Variants in GPN2 observed in about 807,000 individuals in gnomAD.
GPN2 encodes GPN-loop GTPase 2.
GPN2 carries 27 observed loss-of-function variants against 30.1 expected under a neutral mutation model. That is an observed-to-expected ratio of 0.90 (90% CI 0.66 to 1.24). GPN2 has a LOEUF of 1.24. Among genes scored for constraint, GPN2 ranks in the 50% most tolerant of loss-of-function variants. GPN2 has a pLI of 0.00. For synonymous variants in GPN2, 212 were observed against 174.4 expected, an observed-to-expected ratio of 1.22 and a Z score of -1.70; for missense variants, 406 against 405.4, an observed-to-expected ratio of 1.00 and a Z score of -0.01.
chr1:26,885,871 G>T, intron 3 of GPN2, 102 bp downstream of exon 3: 1 of 922,574 alleles, frequency 1.1e-6, no homozygotes, highest in Non-Finnish European at 1.7e-6. Context: ...GAGCAACCGC[G>T]CCCAGCCGGC....
chr1:26,888,959 A>C lies in GPN2; in HGVS notation c.568+10T>G. The C allele has an allele frequency of 6.2e-7, 1 of 1,613,996 alleles. No individual in the cohort carries two copies. The highest frequency in any genetic ancestry group is 2.2e-5 in the East Asian group (1 of 44,866). Reference sequence around the variant, plus strand: ...CTGCCCTGCTCTTCGCCTGGAACAGAAGCTCTTACCCAGCTTCCCATAATG... The same window carrying C: ...CTGCCCTGCTCTTCGCCTGGAACAGCAGCTCTTACCCAGCTTCCCATAATG... On this transcript the variant is annotated intron_variant, in intron 2 of 4. Transcript: ENST00000374135.
At chr1:26,889,256 C>T in intron 1 of GPN2, 131 bp from the exon 2 acceptor site, 2 of 713,504 alleles carry the variant, frequency 2.8e-6, no homozygotes, top group Non-Finnish European at 4.6e-6. Flanking sequence ...TTTCTAATAA[C>T]CACCCTGGTT....
rs2081852949 is a variant in GPN2, at chr1:26,879,304, GCTAGGTGACA to G, written c.*363_*372del. ...TTGGGGAAATACTGATTATTCCAAG[GCTAGGTGACA>G]CTCCCTCATTCTTCCCCAAACCCCT... On this transcript the variant is annotated 3_prime_UTR_variant, in exon 5 of 5. Transcript: ENST00000374135. The G allele has an allele frequency of 4.4e-6, 1 of 227,550 alleles. No individual in the cohort carries two copies. Among genetic ancestry groups the G allele is most frequent in the African/African-American group, 2.2e-5 (1 of 45,542 alleles). 14.1% of individuals were successfully genotyped at this position (227,550 alleles called of 1,614,324 possible). A position where few individuals can be genotyped will look rare whatever the true frequency, so the allele number is the denominator to read the frequency against.
intron 3 of GPN2, 37 bp from the exon 4 acceptor site, chr1:26,884,327 A>T (rs1407606073): frequency 5.0e-6 from 8 of 1,585,192 alleles, no homozygotes; most frequent in Non-Finnish European, 6.0e-6. Flanking sequence ...TGTGAGTGAA[A>T]CAGAAGTATG....
At chr1:26,883,215 C>G (rs2081873102) in intron 4 of GPN2, among the ~76,000 whole-genome samples, 1 of 152,238 alleles carries the variant, frequency 6.6e-6, no homozygotes, top group African/African-American at 2.4e-5. Context: ...CACCCATGAA[C>G]TGAAGTCCAC....
chr1:26,881,084 A>C (rs1465133558), intron 4 of GPN2, among the ~76,000 whole-genome samples: 1 of 152,214 alleles, frequency 6.6e-6, no homozygotes, highest in East Asian at 1.9e-4. Context: ...AAAATTCCTC[A>C]AATTATTTGT....
intron 2 of GPN2, among the ~76,000 whole-genome samples, chr1:26,887,112 C>T (rs2081895007): frequency 6.6e-6 from 1 of 151,888 alleles, no homozygotes. Flanking sequence ...GGACCTGGCA[C>T]ATACACTGCA....
chr1:26,889,959 G>A lies in GPN2; in HGVS notation c.138C>T (p.Asp46=), dbSNP rs1350725564. The part of the protein sequence containing the change: ...LGRRVAVVNL[D]PANEGLPYEC... ...CGTACGGCAGCCCCTCGTTGGCCGG[G>A]TCCAGGTTCACCACCGCCACGCGCC... is the stretch of plus-strand genomic sequence containing the variant. Residue 46 remains aspartate (D), a synonymous_variant, in exon 1 of 5, where the codon GAC becomes GAT. Transcript: ENST00000374135. The A allele has an allele frequency of 1.2e-6, 2 of 1,606,242 alleles. No individual in the cohort carries two copies. The highest frequency in any genetic ancestry group is 1.7e-6 in the Non-Finnish European group (2 of 1,179,296).
At chr1:26,880,666 A>G (rs1336921232) in intron 4 of GPN2, among the ~76,000 whole-genome samples, 1 of 151,880 alleles carries the variant, frequency 6.6e-6, no homozygotes, top group Non-Finnish European at 1.5e-5. Flanking sequence ...GGGTCTCACT[A>G]TGTTACCCAG....
At chr1:26,882,213 G>A (rs143823775) in intron 4 of GPN2, among the ~76,000 whole-genome samples, 118 of 134,318 alleles carry the variant, frequency 8.8e-4, no homozygotes, top group African/African-American at 3.0e-3. Flanking sequence ...TTGACGGTCC[G>A]TCTCAAAAAA....
intron 4 of GPN2, among the ~76,000 whole-genome samples, chr1:26,881,775 G>C (rs557335410): frequency 6.6e-6 from 1 of 152,094 alleles, no homozygotes; most frequent in East Asian, 1.9e-4. Flanking sequence ...AGCTGGGGAC[G>C]ATGGCTCATG....
intron 4 of GPN2, among the ~76,000 whole-genome samples, chr1:26,881,056 T>C (rs1484740457): frequency 2.0e-5 from 3 of 152,186 alleles, no homozygotes; most frequent in African/African-American, 4.8e-5. Flanking sequence ...CAAATGTATA[T>C]GGTTAAAAAT....
At chr1:26,888,909 T>C in intron 2 of GPN2, 60 bp downstream of exon 2, 8 of 1,566,006 alleles carry the variant, frequency 5.1e-6, no homozygotes, top group Non-Finnish European at 7.0e-6. Context: ...TCAGCTGAGA[T>C]GTCTGCTTCA....
Position 26,885,987 on chromosome 1 carries a change from G to T in GPN2, c.715C>A (p.Pro239Thr). The change falls in exon 3 of 5, where the codon CCT becomes ACT. Residue 239 changes from proline to threonine, a missense_variant. Physicochemically the swap from Pro to Thr is conservative, Grantham distance 38. Coordinates refer to ENST00000374135, the MANE Select transcript of GPN2 (RefSeq NM_018066.4). ...IEDYSLVSFI[P>T]LNIQDKESIQ... ...GCCCCTAGTACCTGGATGTTGAGAG[G>T]GATAAAGGAGACAAGGCTATAGTCT... 6.2e-7 allele frequency: 1 copy of T among 1,612,320 alleles called. No individual in the cohort carries two copies. Among genetic ancestry groups the T allele is most frequent in the Non-Finnish European group, 8.5e-7 (1 of 1,178,510 alleles).
intron 4 of GPN2, among the ~76,000 whole-genome samples, chr1:26,882,456 A>G (rs754941155): frequency 1.3e-5 from 2 of 152,168 alleles, no homozygotes; most frequent in African/African-American, 2.4e-5. Context: ...GCAGCTCCTT[A>G]GTACCTTCAT....
rs776090333 is a variant in GPN2, at chr1:26,881,828, C to T, written c.861-2079G>A. 2.4e-4 allele frequency among the ~76,000 whole-genome samples: 37 copies of T among 152,090 alleles called. No homozygotes were observed. In the South Asian group the frequency reaches 7.1e-3, roughly 29 times the overall value. ...TTGGGAGGCTGAGGTGGGAGGGTAA[C>T]GAGCCCAGGAGTTCAAGGTCGCAGT... On this transcript the variant is annotated intron_variant, in intron 4 of 4. Coordinates refer to ENST00000374135, the MANE Select transcript of GPN2 (RefSeq NM_018066.4).
At position 26,889,137 on chromosome 1, in the gene GPN2, T is replaced by C. The variant is rs374125134; in HGVS notation, c.412-12A>G. On this transcript the variant is annotated splice_polypyrimidine_tract_variant and intron_variant, in intron 1 of 4. Coordinates refer to ENST00000374135, the MANE Select transcript of GPN2 (RefSeq NM_018066.4). ...TGGACGGCAGTCAGCTGGGAGGGAA[T>C]AGACAGGGTGAGAGTGGCCTGGAGA... 178 of 1,607,914 alleles carry C rather than the reference T, an allele frequency of 1.1e-4. 1 individual carries two copies. The South Asian group carries it at 1.5e-3, about 14-fold the overall frequency.
chr1:26,889,595 T>G, intron 1 of GPN2, 91 bp downstream of exon 1: 2 of 1,279,198 alleles, frequency 1.6e-6, no homozygotes, highest in Non-Finnish European at 2.2e-6. Flanking sequence ...ACCCAGCCCC[T>G]ACCTCCCTGT....
chr1:26,880,313 CTTTCTT>C (rs1309447009), intron 4 of GPN2, among the ~76,000 whole-genome samples: 3 of 152,104 alleles, frequency 2.0e-5, no homozygotes, highest in Non-Finnish European at 4.4e-5. Context: ...AGTTACAGAC[CTTTCTT>C]TTTCTTTTTT....
Sources: gnomAD v4.1 joint callset for allele counts (sites outside exome capture counted in the v4.1 genomes callset) on GRCh38, gnomAD v4.1.1 for gene constraint, MANE v1.5 for transcripts, NCBI Gene and HGNC (gene_info 2026-07-23, HGNC 2026-07-21) for gene names.